The following TBX21 variants were observed in gnomAD, a reference collection of about 807,000 sequenced individuals.
TBX21 encodes the protein T-box transcription factor 21.
A neutral mutation model predicts 52.2 loss-of-function variants in TBX21; 11 were observed. The ratio of observed to expected loss-of-function variants is 0.21; its 90% CI spans 0.13 to 0.35. The LOEUF (loss-of-function observed/expected upper bound fraction) is 0.35, where lower values mean the gene tolerates loss of function less well. TBX21 is among the 10% of genes least tolerant of loss of function. TBX21 has a pLI of 1.00. For synonymous variants in TBX21, 300 were observed against 316.1 expected (o/e 0.95, Z 0.54); for missense variants, 625 against 755.1 (o/e 0.83, Z 2.02).
chr17:47,740,080 C>A (rs550401450), intron 1 of TBX21, among the ~76,000 whole-genome samples: 3 of 151,712 alleles, frequency 2.0e-5, no homozygotes, highest in African/African-American at 4.8e-5. Context: ...TTTATTTTTT[C>A]TTTGAGATGG....
chr17:47,734,694 C>T (rs549367583), intron 1 of TBX21, among the ~76,000 whole-genome samples: 22 of 151,408 alleles, frequency 1.5e-4, no homozygotes, highest in African/African-American at 5.1e-4. Flanking sequence ...CAAATGCCCA[C>T]GGGCTGGGCA....
chr17:47,736,131 C>T (rs1283044450), intron 1 of TBX21, among the ~76,000 whole-genome samples: 1 of 152,082 alleles, frequency 6.6e-6, no homozygotes, highest in East Asian at 1.9e-4. Flanking sequence ...CTGAGTAATT[C>T]TCACTTGACA....
rs769294204 is a variant in TBX21, at chr17:47,745,158, G to T, written c.1400G>T (p.Gly467Val). Residue 467 changes from glycine to valine, a missense_variant, in exon 6 of 6, where the codon GGA (glycine) becomes GTA (valine). By Grantham distance (109) the Gly-to-Val change is moderately radical. Around this residue, in one of 4 missense-constraint regions of TBX21, gnomAD observed 261 missense variants for 275.1 expected, o/e 0.95. Coordinates refer to ENST00000177694, the MANE Select transcript of TBX21 (RefSeq NM_013351.2). ...GGCCCTGGAGGCTCAGAGGGACGGG[G>T]ACCAGAGGACCAGGGTCCCCCCTTG... ...EPGPGGSEGRGPEDQGPPLVW... is the reference protein window; with the variant it reads ...EPGPGGSEGRVPEDQGPPLVW... 27 of 1,614,070 alleles carry T rather than the reference G, an allele frequency of 1.7e-5. No individual in the cohort carries two copies. The highest frequency in any genetic ancestry group is 1.6e-4 in the East Asian group (7 of 44,894).
chr17:47,744,171 A>G, intron 3 of TBX21, 24 bp from the exon 4 acceptor site: 2 of 1,609,848 alleles, frequency 1.2e-6, no homozygotes, highest in Non-Finnish European at 1.7e-6. Flanking sequence ...CCCCACCCCT[A>G]CAACCGTCTT....
In TBX21 at chr17:47,733,448, G is replaced by C; in HGVS notation, c.-7G>C. 1 of 1,481,920 alleles carries C rather than the reference G, an allele frequency of 6.7e-7. No individual in the cohort carries two copies. Among genetic ancestry groups the C allele is most frequent in the East Asian group, 3.0e-5 (1 of 33,706 alleles). 91.8% of individuals were successfully genotyped at this position (1,481,920 alleles called of 1,614,324 possible). ...GACGGCTACGGGAAGGTGCCAGCCC[G>C]CCCCGGATGGGCATCGTGGAGCCGG... On this transcript the variant is annotated 5_prime_UTR_variant, in exon 1 of 6. Transcript: ENST00000177694. This position sits in a 1 kb window ranked among gnomAD's most constrained non-coding sequence, Gnocchi z 6.6.
At chr17:47,743,332 T>G in intron 3 of TBX21, 140 bp downstream of exon 3, 1 of 1,189,410 alleles carries the variant, frequency 8.4e-7, no homozygotes, top group South Asian at 1.5e-5. Context: ...GTTTTTCTTC[T>G]GTCCTAAACG....
At chr17:47,738,743 G>T (rs575307360) in intron 1 of TBX21, among the ~76,000 whole-genome samples, 1 of 152,052 alleles carries the variant, frequency 6.6e-6, no homozygotes, top group Non-Finnish European at 1.5e-5. Flanking sequence ...TGGGATTACC[G>T]GCATGCACCA....
chr17:47,743,848 C>T (rs1269011089), intron 3 of TBX21, among the ~76,000 whole-genome samples: 1 of 146,808 alleles, frequency 6.8e-6, no homozygotes, highest in African/African-American at 2.6e-5. Flanking sequence ...CCATTGCACT[C>T]CAGCCTGGGT....
intron 1 of TBX21, among the ~76,000 whole-genome samples, chr17:47,741,462 C>T (rs1440846311): frequency 6.6e-6 from 1 of 152,176 alleles, no homozygotes; most frequent in African/African-American, 2.4e-5. Flanking sequence ...CACCCCCTAA[C>T]TTCCTCTACT....
At chr17:47,735,677 C>T (rs973171358) in intron 1 of TBX21, among the ~76,000 whole-genome samples, 2 of 152,190 alleles carry the variant, frequency 1.3e-5, no homozygotes, top group Non-Finnish European at 2.9e-5. Flanking sequence ...CTCTGAAGGC[C>T]CTGATGCATT....
chr17:47,745,399 G>C lies in TBX21; in HGVS notation c.*33G>C, dbSNP rs749450205. 5 of 1,550,796 alleles carry C rather than the reference G, an allele frequency of 3.2e-6. No homozygotes were observed. The highest frequency in any genetic ancestry group is 4.3e-6 in the Non-Finnish European group (5 of 1,150,584). ...ACATGATGAAAGGAACAGAAACAGT[G>C]TTATTAGGTTGGAGGACACCGACTA... is the stretch of plus-strand genomic sequence containing the variant. On this transcript the variant is annotated 3_prime_UTR_variant, in exon 6 of 6. Coordinates refer to ENST00000177694, the MANE Select transcript of TBX21 (RefSeq NM_013351.2).
At chr17:47,740,544 G>A (rs1348877750) in intron 1 of TBX21, among the ~76,000 whole-genome samples, 2 of 152,048 alleles carry the variant, frequency 1.3e-5, no homozygotes, top group African/African-American at 2.4e-5. Flanking sequence ...GACCAGCTTG[G>A]CCAACGTGAA....
At position 47,745,394 on chromosome 17, in the gene TBX21, A is replaced by G; in HGVS notation, c.*28A>G. The G allele has an allele frequency of 6.4e-7, 1 of 1,562,182 alleles. No individual in the cohort carries two copies. Among genetic ancestry groups the G allele is most frequent in the Non-Finnish European group, 8.6e-7 (1 of 1,156,318 alleles). On this transcript the variant is annotated 3_prime_UTR_variant, in exon 6 of 6. Transcript: ENST00000177694. ...AGATGACATGATGAAAGGAACAGAA[A>G]CAGTGTTATTAGGTTGGAGGACACC...
rs766371731 is a variant in TBX21, at chr17:47,744,392, G to T, written c.927+39G>T. 2.5e-6 allele frequency: 4 copies of T among 1,614,116 alleles called. No individual in the cohort carries two copies. In the South Asian group the frequency reaches 4.4e-5, roughly 18 times the overall value. ...GAGCCCCGGTGGGGAGGAGGGCAGA[G>T]TGGGGCCCACTGTCTTCCTTGGGAG... is the stretch of plus-strand genomic sequence containing the variant. On this transcript the variant is annotated intron_variant, in intron 4 of 5. Transcript: ENST00000177694.
intron 1 of TBX21, among the ~76,000 whole-genome samples, chr17:47,738,108 C>G (rs1448474849): frequency 1.3e-5 from 2 of 152,010 alleles, no homozygotes; most frequent in Non-Finnish European, 2.9e-5. Flanking sequence ...TAGGCTTAAG[C>G]ATGCTTAACT....
intron 1 of TBX21, among the ~76,000 whole-genome samples, chr17:47,734,827 G>A (rs1410858023): frequency 6.6e-6 from 1 of 151,998 alleles, no homozygotes; most frequent in Non-Finnish European, 1.5e-5. Context: ...CTGGAGAAGT[G>A]GGGAAGGGGT....
chr17:47,745,491 G>A lies in TBX21; in HGVS notation c.*125G>A. The A allele has an allele frequency of 7.2e-7, 1 of 1,381,860 alleles. No individual in the cohort carries two copies. Among genetic ancestry groups the A allele is most frequent in the Non-Finnish European group, 9.6e-7 (1 of 1,036,884 alleles). The allele number at this position is 1,381,860 out of a possible 1,614,324, so 85.6% of individuals were successfully genotyped here. On this transcript the variant is annotated 3_prime_UTR_variant, in exon 6 of 6. Transcript: ENST00000177694. Reference sequence around the variant, plus strand: ...TCTGGCCCTTCTCTGTTTAGTAGTTGGTTGGGGAAGTGGGGCTCAAGAAGG... The same window carrying A: ...TCTGGCCCTTCTCTGTTTAGTAGTTAGTTGGGGAAGTGGGGCTCAAGAAGG...
chr17:47,738,016 C>A (rs2032225636), intron 1 of TBX21, among the ~76,000 whole-genome samples: 1 of 148,856 alleles, frequency 6.7e-6, no homozygotes, highest in African/African-American at 2.5e-5. Flanking sequence ...AATCCCTGAT[C>A]TCAAGCAATC....
At chr17:47,735,720 C>T (rs1056905868) in intron 1 of TBX21, among the ~76,000 whole-genome samples, 1 of 152,204 alleles carries the variant, frequency 6.6e-6, no homozygotes, top group Non-Finnish European at 1.5e-5. Flanking sequence ...TTTCACTGTG[C>T]GTTAGGTAGG....
Sources: gnomAD v4.1 joint callset for allele counts (sites outside exome capture counted in the v4.1 genomes callset) on GRCh38, gnomAD v4.1.1 for gene constraint, gnomAD v4.1.1 regional missense constraint, Gnocchi (gnomAD v3.1) non-coding constraint, MANE v1.5 for transcripts, NCBI Gene and HGNC (gene_info 2026-07-23, HGNC 2026-07-21) for gene names.